Variants in TATDN3 observed in about 807,000 individuals in gnomAD.
TATDN3 encodes TatD DNase domain containing 3, also known as deoxyribonuclease TATDN3.
In TATDN3, 29 loss-of-function variants were observed where a neutral mutation model predicts 40.1. That is an observed-to-expected ratio of 0.72 (90% CI 0.54 to 0.99). The LOEUF is 0.99. Among genes scored for constraint, TATDN3 ranks in the 50% least tolerant of loss-of-function variants. TATDN3 has a pLI of 0.00. For synonymous variants in TATDN3, 105 were observed against 117.0 expected (o/e 0.90, Z 0.66); for missense variants, 309 against 321.9 (o/e 0.96, Z 0.31).
intron 2 of TATDN3, 32 bp from the exon 3 acceptor site, chr1:212,796,485 G>A: frequency 1.4e-6 from 2 of 1,434,078 alleles, no homozygotes; most frequent in East Asian, 2.7e-5. Context: ...AATGTATATT[G>A]TTTGTAACTT....
At chr1:212,812,014 T>G (rs550148293) in intron 8 of TATDN3, among the ~76,000 whole-genome samples, 1 of 151,718 alleles carries the variant, frequency 6.6e-6, no homozygotes, top group Non-Finnish European at 1.5e-5. Flanking sequence ...TTTGTATTTT[T>G]AGCAGAGACG....
chr1:212,806,095 A>G (rs1445490593), intron 7 of TATDN3, among the ~76,000 whole-genome samples: 1 of 152,222 alleles, frequency 6.6e-6, no homozygotes, highest in Non-Finnish European at 1.5e-5. Context: ...GAAATCAGTG[A>G]TGAATAGTTC....
At chr1:212,812,459 A>T in intron 9 of TATDN3, 131 bp downstream of exon 9, 1 of 563,102 alleles carries the variant, frequency 1.8e-6, no homozygotes, top group South Asian at 2.4e-5. Context: ...GAGGGCTTAT[A>T]TTAACTTTAT....
chr1:212,797,375 A>G lies in TATDN3; in HGVS notation c.258+179A>G. On this transcript the variant is annotated intron_variant, in intron 4 of 9. Coordinates refer to ENST00000366974, the MANE Select transcript of TATDN3 (RefSeq NM_001042552.3). ...TTCGTAATAGAGAAAAAGTAGAAACAGCCTAGAGGTTCAGAAACAAAGGAA... is the reference window on the plus strand; with the variant it reads ...TTCGTAATAGAGAAAAAGTAGAAACGGCCTAGAGGTTCAGAAACAAAGGAA... 4 of 574,768 alleles carry G rather than the reference A, an allele frequency of 7.0e-6. No homozygotes were observed. In the South Asian group the frequency reaches 9.0e-5, roughly 13 times the overall value. The allele number at this position is 574,768 out of a possible 1,614,324, so 35.6% of individuals were successfully genotyped here.
In TATDN3 at chr1:212,791,904, G is replaced by C. The variant is rs768495915; in HGVS notation, c.-18G>C. ...CCGGCTCTGCTGGCCGGTCTAAAGC[G>C]GCAGCCGCCGGGGCGCAATGCGAGC... is the stretch of plus-strand genomic sequence containing the variant. On this transcript the variant is annotated 5_prime_UTR_variant, in exon 1 of 10. Transcript: ENST00000366974. 3 of 1,612,586 alleles carry C rather than the reference G, an allele frequency of 1.9e-6. No homozygotes were observed. The highest frequency in any genetic ancestry group is 2.2e-5 in the South Asian group (2 of 90,952).
chr1:212,806,404 A>G (rs900774501), intron 7 of TATDN3, among the ~76,000 whole-genome samples: 3 of 131,978 alleles, frequency 2.3e-5, no homozygotes, highest in Non-Finnish European at 4.7e-5. Context: ...TGGGTCTGAC[A>G]CTGTTGCCCA....
chr1:212,793,282 AG>A (rs756029867), intron 1 of TATDN3, among the ~76,000 whole-genome samples: 5 of 152,092 alleles, frequency 3.3e-5, no homozygotes, highest in Non-Finnish European at 7.4e-5. Flanking sequence ...GCATGATCTC[AG>A]GTCATTGCAA....
At chr1:212,794,308 A>T (rs1448944447) in intron 1 of TATDN3, among the ~76,000 whole-genome samples, 1 of 149,192 alleles carries the variant, frequency 6.7e-6, no homozygotes, top group Non-Finnish European at 1.5e-5. Context: ...TTGGGGACTC[A>T]GGCTGGGTTC....
chr1:212,806,918 A>G (rs1662572016), intron 7 of TATDN3, among the ~76,000 whole-genome samples: 1 of 144,470 alleles, frequency 6.9e-6, no homozygotes, highest in Admixed American at 7.0e-5. Context: ...ATACACATAT[A>G]TACATATATA....
chr1:212,806,024 C>G (rs911103526), intron 7 of TATDN3, among the ~76,000 whole-genome samples: 1 of 152,154 alleles, frequency 6.6e-6, no homozygotes, highest in South Asian at 2.1e-4. Context: ...GTCTAATAGT[C>G]ATTCATACCA....
chr1:212,808,828 G>T (rs1282475120), intron 8 of TATDN3, among the ~76,000 whole-genome samples: 2 of 152,104 alleles, frequency 1.3e-5, no homozygotes, highest in Non-Finnish European at 1.5e-5. Context: ...ATGTGACCCA[G>T]CAATTCCACC....
chr1:212,792,983 TGA>T (rs774252401), intron 1 of TATDN3: 1 of 150,884 alleles, frequency 6.6e-6, no homozygotes, highest in Non-Finnish European at 1.5e-5. Flanking sequence ...AGCAAGGGGG[TGA>T]GTGTATGCTG....
intron 4 of TATDN3, among the ~76,000 whole-genome samples, chr1:212,799,405 T>C (rs1348845196): frequency 1.3e-5 from 2 of 152,300 alleles, no homozygotes; most frequent in South Asian, 4.1e-4. Flanking sequence ...CAAATGATGC[T>C]GGATGGGACC....
At chr1:212,804,549 A>AT in intron 6 of TATDN3, 47 bp from the exon 7 acceptor site, 1 of 1,590,718 alleles carries the variant, frequency 6.3e-7, no homozygotes. Context: ...ATCAAAAACA[A>AT]TACTTTCAGA....
In TATDN3 at chr1:212,806,747, C is replaced by CCATATATAT. The variant is rs1558083475; in HGVS notation, c.488-989_488-988insCATATATAT. ...TTTATTCTCTCTCTCTCTCTCTCTC[C>CCATATATAT]ATATATATATATATATATATATATA... On this transcript the variant is annotated intron_variant, in intron 7 of 9. Coordinates refer to ENST00000366974, the MANE Select transcript of TATDN3 (RefSeq NM_001042552.3). Among the ~76,000 whole-genome samples the CCATATATAT allele has an allele frequency of 3.5e-3, 152 of 43,962 alleles. 14 individuals are homozygous for CCATATATAT. The highest frequency in any genetic ancestry group is 0.024 in the Middle Eastern group (1 of 42). The allele number at this position is 43,962 out of a possible 152,430, so 28.8% of individuals were successfully genotyped here.
intron 7 of TATDN3, among the ~76,000 whole-genome samples, chr1:212,805,945 T>C (rs201858685): frequency 6.8e-6 from 1 of 146,520 alleles, no homozygotes; most frequent in African/African-American, 2.5e-5. Context: ...CACATACATA[T>C]AAGCACTCAT....
At chr1:212,805,904 C>T (rs906127493) in intron 7 of TATDN3, among the ~76,000 whole-genome samples, 25 of 147,956 alleles carry the variant, frequency 1.7e-4, no homozygotes, top group Middle Eastern at 3.4e-3. Context: ...TGTGTGTGTA[C>T]GTATAGGTAT....
At chr1:212,809,572 T>A (rs1662736228) in intron 8 of TATDN3, among the ~76,000 whole-genome samples, 1 of 151,774 alleles carries the variant, frequency 6.6e-6, no homozygotes, top group Admixed American at 6.6e-5. Context: ...TAGTCCCACC[T>A]ACTCGGGAGA....
chr1:212,798,536 C>CAAAAAAAAA (rs11296428), intron 4 of TATDN3, among the ~76,000 whole-genome samples: 43 of 91,258 alleles, frequency 4.7e-4, no homozygotes, highest in Admixed American at 5.4e-4. Flanking sequence ...CTCAAAAACT[C>CAAAAAAAAA]AAAAAAAAAA....
Sources: gnomAD v4.1 joint callset for allele counts (sites outside exome capture counted in the v4.1 genomes callset) on GRCh38, gnomAD v4.1.1 for gene constraint, MANE v1.5 for transcripts, NCBI Gene and HGNC (gene_info 2026-07-23, HGNC 2026-07-21) for gene names.